The following CUL5 variants were observed in gnomAD, a reference collection of about 807,000 sequenced individuals.
The protein encoded by CUL5 is cullin 5, also known as cullin-5.
In CUL5, 26 loss-of-function variants were observed where a neutral mutation model predicts 108.8. That is an observed-to-expected ratio of 0.24 (90% confidence interval 0.18 to 0.33). The LOEUF (loss-of-function observed/expected upper bound fraction) is 0.33. Among genes scored for constraint, CUL5 ranks in the 10% least tolerant of loss-of-function variants. The pLI, the probability that CUL5 is intolerant of heterozygous loss-of-function variation, is 1.00. For missense variants in CUL5, 524 were observed against 909.2 expected, an observed-to-expected ratio of 0.58 and a Z score of 5.45; for synonymous variants, 334 against 298.0, an observed-to-expected ratio of 1.12 and a Z score of -1.25.
chr11:108,030,963 T>C (rs1862566383), intron 1 of CUL5, among the ~76,000 whole-genome samples: 1 of 152,160 alleles, frequency 6.6e-6, no homozygotes, highest in Non-Finnish European at 1.5e-5. Context: ...GATCATATGT[T>C]GACAAACTGT....
chr11:108,046,701 T>TA (rs1315414326), intron 3 of CUL5, among the ~76,000 whole-genome samples: 1 of 152,220 alleles, frequency 6.6e-6, no homozygotes, highest in African/African-American at 2.4e-5. Flanking sequence ...TCATGACTAA[T>TA]ACCTCTTCTC....
chr11:108,063,881 A>G (rs1863610657), intron 7 of CUL5, among the ~76,000 whole-genome samples: 1 of 152,104 alleles, frequency 6.6e-6, no homozygotes. Context: ...TTTTCTACAC[A>G]TTCTCACCAA....
At chr11:108,066,113 G>A (rs1018058840) in intron 7 of CUL5, among the ~76,000 whole-genome samples, 1 of 152,206 alleles carries the variant, frequency 6.6e-6, no homozygotes, top group Non-Finnish European at 1.5e-5. Flanking sequence ...GGCTGAGGCA[G>A]GCAGATCACA....
chr11:108,045,530 A>C (rs1022951746), intron 2 of CUL5, among the ~76,000 whole-genome samples: 2 of 152,162 alleles, frequency 1.3e-5, no homozygotes, highest in Non-Finnish European at 2.9e-5. Flanking sequence ...GACTGCAGTG[A>C]GCTATGGTTG....
At chr11:108,028,329 T>G (rs907123289) in intron 1 of CUL5, among the ~76,000 whole-genome samples, 4 of 152,180 alleles carry the variant, frequency 2.6e-5, no homozygotes, top group African/African-American at 9.7e-5. Context: ...ACTCCCATTT[T>G]CTCATATCTC....
At chr11:108,039,208 T>G (rs1459735066) in intron 2 of CUL5, among the ~76,000 whole-genome samples, 1 of 152,032 alleles carries the variant, frequency 6.6e-6, no homozygotes, top group Non-Finnish European at 1.5e-5. Flanking sequence ...TTAGTAGAGA[T>G]GGGGTTTCTT....
At chr11:108,099,499 C>G (rs1864590833) in intron 18 of CUL5, among the ~76,000 whole-genome samples, 1 of 151,950 alleles carries the variant, frequency 6.6e-6, no homozygotes, top group African/African-American at 2.4e-5. Context: ...TGTGTAGGAG[C>G]TGTATGAAAA....
chr11:108,086,648 T>G (rs564969551), intron 11 of CUL5, among the ~76,000 whole-genome samples: 9 of 152,264 alleles, frequency 5.9e-5, no homozygotes, highest in African/African-American at 2.2e-4. Context: ...ATTTCTAAAT[T>G]TTCAACTTCC....
chr11:108,054,563 C>T, intron 5 of CUL5, 84 bp from the exon 6 acceptor site: 2 of 910,274 alleles, frequency 2.2e-6, no homozygotes, highest in Non-Finnish European at 3.3e-6. Flanking sequence ...CACATAATGA[C>T]TCCTCAATAT....
Position 108,088,669 on chromosome 11 carries a change from T to G in CUL5, c.1311+10T>G. On this transcript the variant is annotated intron_variant, in intron 12 of 18. Transcript: ENST00000393094. ...AAAGCTTAAAGAAGTGGTACATGAA[T>G]TTTTTGTATTTCAACTTTTAAAATT... 2.6e-6 allele frequency: 4 copies of G among 1,567,258 alleles called. No individual in the cohort carries two copies. Among genetic ancestry groups the G allele is most frequent in the Non-Finnish European group, 3.4e-6 (4 of 1,162,216 alleles).
At chr11:108,092,888 C>T (rs1864392330) in intron 13 of CUL5, among the ~76,000 whole-genome samples, 1 of 152,138 alleles carries the variant, frequency 6.6e-6, no homozygotes, top group African/African-American at 2.4e-5. Context: ...GCGATCTTGG[C>T]TCACTGCAAC....
At chr11:108,045,331 C>T (rs1344182360) in intron 2 of CUL5, among the ~76,000 whole-genome samples, 1 of 152,142 alleles carries the variant, frequency 6.6e-6, no homozygotes, top group Non-Finnish European at 1.5e-5. Flanking sequence ...AATAGGCTGG[C>T]CCACAATCCC....
At chr11:108,069,524 A>G (rs1307401734) in intron 7 of CUL5, among the ~76,000 whole-genome samples, 2 of 152,142 alleles carry the variant, frequency 1.3e-5, no homozygotes, top group Non-Finnish European at 2.9e-5. Context: ...CTACCCTAGA[A>G]AAAAGTAGTT....
intron 15 of CUL5, 138 bp from the exon 16 acceptor site, chr11:108,095,392 G>A (rs1864465348): frequency 1.6e-6 from 1 of 612,774 alleles, no homozygotes; most frequent in Non-Finnish European, 2.8e-6. Context: ...AGTCATTAAC[G>A]TCTTCTAAAA....
intron 13 of CUL5, among the ~76,000 whole-genome samples, chr11:108,093,275 ATCT>A (rs143826017): frequency 0.13 from 20,133 of 152,118 alleles, 1,419 homozygotes; most frequent in African/African-American, 0.18. Flanking sequence ...AATTTGGATG[ATCT>A]TCTAGCATTT....
intron 7 of CUL5, among the ~76,000 whole-genome samples, chr11:108,061,011 A>T (rs1001929125): frequency 6.6e-6 from 1 of 152,200 alleles, no homozygotes; most frequent in African/African-American, 2.4e-5. Context: ...CATCAAGCAC[A>T]TTGATAGTTA....
chr11:108,011,645 G>T (rs1179970437), intron 1 of CUL5, among the ~76,000 whole-genome samples: 1 of 150,330 alleles, frequency 6.7e-6, no homozygotes, highest in African/African-American at 2.5e-5. Flanking sequence ...TTTTTTTGGA[G>T]GGGGACGGAG....
At chr11:108,050,777 A>G (rs569160991) in intron 4 of CUL5, among the ~76,000 whole-genome samples, 10 of 152,206 alleles carry the variant, frequency 6.6e-5, no homozygotes, top group Admixed American at 1.3e-4. Flanking sequence ...TGCTATCTTT[A>G]TAATTTCCCT....
intron 7 of CUL5, among the ~76,000 whole-genome samples, chr11:108,066,468 A>AT (rs977262262): frequency 5.9e-5 from 9 of 151,916 alleles, no homozygotes; most frequent in Non-Finnish European, 8.8e-5. Context: ...AATAAGAAAT[A>AT]TTTTTTTATT....
Sources: allele counts gnomAD v4.1 joint callset (sites outside exome capture counted in the v4.1 genomes callset), GRCh38; gene constraint gnomAD v4.1.1; transcripts MANE v1.5; gene names NCBI Gene and HGNC (gene_info 2026-07-23, HGNC 2026-07-21).